MBD5: variants seen among roughly 807,000 people sequenced by gnomAD.
MBD5 encodes methyl-CpG binding domain protein 5, also known as methyl-CpG-binding domain protein 5.
In MBD5, 13 loss-of-function variants were observed where a neutral mutation model predicts 117.3. The observed-to-expected ratio is 0.11, with a 90% CI of 0.07 to 0.18. The LOEUF (loss-of-function observed/expected upper bound fraction) is 0.18, where lower values mean the gene tolerates loss of function less well. MBD5 is among the 10% of genes least tolerant of loss of function. MBD5 has a pLI of 1.00. For missense variants in MBD5, 1,879 were observed against 2,093.8 expected (o/e 0.90, Z 2.00); for synonymous variants, 727 against 766.4 (o/e 0.95, Z 0.85).
At chr2:148,326,876 A>G (rs1702466801) in intron 3 of MBD5, among the ~76,000 whole-genome samples, 1 of 148,306 alleles carries the variant, frequency 6.7e-6, no homozygotes, top group Non-Finnish European at 1.5e-5. Flanking sequence ...TGATCCTGTC[A>G]TTATGATGTT....
At chr2:148,271,816 T>A (rs1355207893) in intron 3 of MBD5, among the ~76,000 whole-genome samples, 1 of 152,190 alleles carries the variant, frequency 6.6e-6, no homozygotes, top group Non-Finnish European at 1.5e-5. Flanking sequence ...ACTCAGCAAT[T>A]GTCATTGTGT....
intron 4 of MBD5, among the ~76,000 whole-genome samples, chr2:148,397,895 A>G (rs1216999587): frequency 2.6e-5 from 4 of 151,202 alleles, no homozygotes; most frequent in African/African-American, 7.3e-5. Context: ...GAGTGAGAAC[A>G]TGCAGTGTTT....
intron 4 of MBD5, among the ~76,000 whole-genome samples, chr2:148,419,692 T>C (rs1213582145): frequency 3.3e-5 from 5 of 152,140 alleles, no homozygotes; most frequent in Admixed American, 3.3e-4. Context: ...GTAATTTACC[T>C]TGCTTTTTAT....
chr2:148,471,331 C>T (rs1465993239), intron 8 of MBD5: 2 of 151,938 alleles, frequency 1.3e-5, no homozygotes, highest in African/African-American at 2.4e-5. Flanking sequence ...TACAGAAGCA[C>T]CTAAGAGGTA....
At chr2:148,228,112 T>C (rs541872345) in intron 2 of MBD5, among the ~76,000 whole-genome samples, 2 of 152,336 alleles carry the variant, frequency 1.3e-5, no homozygotes, top group South Asian at 4.1e-4. Context: ...TTCCTTCTCC[T>C]GCCTGATTGC....
rs1219912625 is a variant in MBD5 at position 148,490,444 on chromosome 2, T to C, written c.4812T>C (p.Ser1604=). ...EDDLRNPDSP[S]SNELIHYRPR... ...ACCTAAGGAACCCAGACTCCCCCTC[T>C]TCAAATGAATTGATACATTATAGAC... Residue 1604 remains serine (S), a synonymous_variant, in exon 11 of 14, where the codon TCT becomes TCC. Coordinates refer to ENST00000642680, the MANE Select transcript of MBD5 (RefSeq NM_001378120.1). The C allele has an allele frequency of 1.9e-6, 3 of 1,614,084 alleles. No homozygotes were observed. Among genetic ancestry groups the C allele is most frequent in the Non-Finnish European group, 2.5e-6 (3 of 1,180,040 alleles).
intron 1 of MBD5, among the ~76,000 whole-genome samples, chr2:148,136,768 T>A (rs976312239): frequency 7.2e-5 from 11 of 151,876 alleles, no homozygotes; most frequent in African/African-American, 2.4e-4. Flanking sequence ...TTTATTAATT[T>A]TTTTTTTTTT....
intron 1 of MBD5, among the ~76,000 whole-genome samples, chr2:148,128,055 T>C (rs1696944733): frequency 2.0e-5 from 3 of 152,240 alleles, no homozygotes. Flanking sequence ...TCTGTTCATG[T>C]CCTTTGCCCA....
intron 1 of MBD5, among the ~76,000 whole-genome samples, chr2:148,123,131 CAT>C (rs1485868150): frequency 3.3e-5 from 5 of 152,180 alleles, no homozygotes; most frequent in Non-Finnish European, 5.9e-5. Context: ...TGTTTAGTCA[CAT>C]ATGTGGGCAC....
intron 4 of MBD5, among the ~76,000 whole-genome samples, chr2:148,433,746 G>A (rs113182788): frequency 0.19 from 28,296 of 151,958 alleles, 2,782 homozygotes; most frequent in Middle Eastern, 0.24. Context: ...TCTGGATTCA[G>A]TTTGCTAGTA....
At chr2:148,389,282 A>AAATGT in intron 4 of MBD5, among the ~76,000 whole-genome samples, 1 of 95,884 alleles carries the variant, frequency 1.0e-5, no homozygotes, top group Admixed American at 1.1e-4. Flanking sequence ...ATATATATAT[A>AAATGT]TATATATATA....
chr2:148,184,740 T>A (rs182998936), intron 2 of MBD5, among the ~76,000 whole-genome samples: 35 of 152,314 alleles, frequency 2.3e-4, no homozygotes, highest in Admixed American at 1.2e-3. Flanking sequence ...TCTGGGGATA[T>A]TGGCTACTAT....
intron 3 of MBD5, among the ~76,000 whole-genome samples, chr2:148,311,346 A>G (rs1299726578): frequency 1.3e-5 from 2 of 152,164 alleles, no homozygotes; most frequent in Admixed American, 1.3e-4. Flanking sequence ...TATTAGGTGC[A>G]TATATATTAG....
At chr2:148,070,572 CATA>C (rs1240199349) in intron 1 of MBD5, among the ~76,000 whole-genome samples, 1 of 152,004 alleles carries the variant, frequency 6.6e-6, no homozygotes, top group Non-Finnish European at 1.5e-5. Context: ...CTCTGAGGGC[CATA>C]TCTCCAGTTT....
chr2:148,470,287 G>T lies in MBD5; in HGVS notation c.2344G>T (p.Gly782Cys). 1 of 1,613,930 alleles carries T rather than the reference G, an allele frequency of 6.2e-7. No individual in the cohort carries two copies. Residue 782 changes from glycine (G) to cysteine (C), a missense_variant, in exon 8 of 14, where the codon GGT (glycine) becomes TGT (cysteine). This residue lies in a region of MBD5 where 1,666 missense variants were observed against 1,792.2 expected (regional missense o/e 0.93). Transcript: ENST00000642680. ...TCCAGTCCCCAACCACCATCTTGCA[G>T]GTTTAATAAATCAGATTCAGGCTAG... ...NSPVPNHHLA[G>C]LINQIQASGN...
intron 4 of MBD5, chr2:148,347,168 T>A (rs1302215695): frequency 2.0e-5 from 3 of 152,038 alleles, no homozygotes; most frequent in African/African-American, 7.2e-5. Context: ...ATACTTATGT[T>A]ATATCAAACA....
chr2:148,035,672 A>G lies in MBD5; in HGVS notation c.-925+13988A>G, dbSNP rs138831285. ...TCTTTCCTTGTCTTTGTTTCCTCAC[A>G]TTAGGTAGGCAATATTGCAAAAACG... On this transcript the variant is annotated intron_variant, in intron 1 of 13. Transcript: ENST00000642680. Among the ~76,000 whole-genome samples the G allele has an allele frequency of 4.6e-5, 7 of 152,280 alleles. No individual in the cohort carries two copies. The East Asian group carries it at 1.4e-3, about 29-fold the overall frequency.
intron 4 of MBD5, among the ~76,000 whole-genome samples, chr2:148,402,800 T>G (rs1704962834): frequency 1.3e-5 from 2 of 152,194 alleles, no homozygotes; most frequent in South Asian, 4.1e-4. Context: ...TTGTTTTGAT[T>G]ATCACAAATG....
At chr2:148,271,307 T>C (rs1234889220) in intron 3 of MBD5, among the ~76,000 whole-genome samples, 1 of 152,216 alleles carries the variant, frequency 6.6e-6, no homozygotes, top group East Asian at 1.9e-4. Context: ...TTGGTAAACA[T>C]TCTGTGGACA....
Sources: allele counts gnomAD v4.1 joint callset (sites outside exome capture counted in the v4.1 genomes callset), GRCh38; gene constraint gnomAD v4.1.1; regional missense constraint gnomAD v4.1.1; transcripts MANE v1.5; gene names NCBI Gene and HGNC (gene_info 2026-07-23, HGNC 2026-07-21).